Variants in SNCAIP observed in about 807,000 individuals in gnomAD.
SNCAIP encodes synuclein alpha interacting protein.
A neutral mutation model predicts 86.7 loss-of-function variants in SNCAIP; 43 were observed. The observed-to-expected ratio is 0.50, with a 90% CI of 0.39 to 0.64. The LOEUF is 0.64. Ranked by LOEUF, SNCAIP falls within the 30% of genes least tolerant of loss-of-function variation. The pLI, the probability that SNCAIP is intolerant of heterozygous loss-of-function variation, is 0.00. For synonymous variants in SNCAIP, 417 were observed against 427.2 expected (o/e 0.98, Z 0.29); for missense variants, 981 against 1,103.1 (o/e 0.89, Z 1.57).
chr5:122,433,268 A>C (rs953310810), intron 6 of SNCAIP, among the ~76,000 whole-genome samples: 1 of 152,042 alleles, frequency 6.6e-6, no homozygotes, highest in African/African-American at 2.4e-5. Flanking sequence ...TTATTCCTCA[A>C]AACAACCCTG....
intron 9 of SNCAIP, among the ~76,000 whole-genome samples, 164 bp from the exon 10 acceptor site, chr5:122,450,369 T>C (rs1180104379): frequency 6.6e-6 from 1 of 152,260 alleles, no homozygotes; most frequent in African/African-American, 2.4e-5. Context: ...TTATAGCTGA[T>C]ACTATGGAGT....
At position 122,425,340 on chromosome 5, in the gene SNCAIP, C is replaced by T. The variant is rs759864226; in HGVS notation, c.1003-12C>T. The T allele has an allele frequency of 5.0e-6, 8 of 1,608,418 alleles. No individual in the cohort carries two copies. The Admixed American group carries it at 6.7e-5, about 13-fold the overall frequency. On this transcript the variant is annotated splice_polypyrimidine_tract_variant and intron_variant, in intron 4 of 10. Coordinates refer to ENST00000261368, the MANE Select transcript of SNCAIP (RefSeq NM_005460.4). ...TATTGACTTGGGTTTTCTAATCTTA[C>T]TATTTATACAGCCACACCTAGCTGC...
intron 6 of SNCAIP, 195 bp from the exon 7 acceptor site, chr5:122,440,434 C>T (rs1780611711): frequency 1.7e-6 from 1 of 589,984 alleles, no homozygotes; most frequent in Non-Finnish European, 3.0e-6. Flanking sequence ...TTAAAATTCT[C>T]TATGCCGTCC....
intron 1 of SNCAIP, among the ~76,000 whole-genome samples, chr5:122,351,551 A>AAAAAAAAAAAAAAAAAAAAAG (rs1759824388): frequency 1.4e-5 from 2 of 143,546 alleles, no homozygotes; most frequent in Admixed American, 6.9e-5. Flanking sequence ...AAAAAAAAAA[A>AAAAAAAAAAAAAAAAAAAAAG]AAAAAAAAAA....
intron 1 of SNCAIP, among the ~76,000 whole-genome samples, chr5:122,354,525 A>C (rs1410909156): frequency 1.3e-5 from 2 of 152,318 alleles, no homozygotes; most frequent in Non-Finnish European, 2.9e-5. Flanking sequence ...CTTAGAGCCC[A>C]TGGAAAGAAT....
At chr5:122,407,192 C>T (rs73797303) in intron 3 of SNCAIP, among the ~76,000 whole-genome samples, 1,724 of 152,214 alleles carry the variant, frequency 0.011, 31 homozygotes, top group African/African-American at 0.037. Context: ...ACATGAGAGA[C>T]TGTGGTAATT....
In SNCAIP at chr5:122,449,879, C is replaced by T. The variant is rs1173096943; in HGVS notation, c.1627C>T (p.Leu543Phe). The change falls in exon 9 of 11, where the codon CTC (leucine) becomes TTC (phenylalanine). Residue 543 changes from leucine (L) to phenylalanine (F), a missense_variant. Leu to Phe is a conservative substitution (Grantham distance 22, BLOSUM62 0). Coordinates refer to ENST00000261368, the MANE Select transcript of SNCAIP (RefSeq NM_005460.4). Reference sequence around the variant, plus strand: ...AGAACGTGTCACGCTGCAGAACCAACTCCAACAATTTCTAGAAGCCCAGAA... The same window carrying T: ...AGAACGTGTCACGCTGCAGAACCAATTCCAACAATTTCTAGAAGCCCAGAA... ...TVERVTLQNQ[L>F]QQFLEAQKSE... is the part of the protein sequence containing the mutation. 4 of 1,614,076 alleles carry T rather than the reference C, an allele frequency of 2.5e-6. No homozygotes were observed. The highest frequency in any genetic ancestry group is 3.4e-6 in the Non-Finnish European group (4 of 1,179,930).
At chr5:122,375,027 G>A (rs536300678) in intron 1 of SNCAIP, among the ~76,000 whole-genome samples, 1 of 152,156 alleles carries the variant, frequency 6.6e-6, no homozygotes, top group Non-Finnish European at 1.5e-5. Context: ...GTAAATTAGG[G>A]CCAAATGAAA....
chr5:122,378,821 C>G (rs1322371220), intron 1 of SNCAIP, among the ~76,000 whole-genome samples: 1 of 145,342 alleles, frequency 6.9e-6, no homozygotes, highest in Non-Finnish European at 1.5e-5. Flanking sequence ...GCTTGTTTTT[C>G]TCAGGTTTGT....
chr5:122,408,033 G>A (rs1773366321), intron 3 of SNCAIP, among the ~76,000 whole-genome samples: 1 of 152,210 alleles, frequency 6.6e-6, no homozygotes, highest in African/African-American at 2.4e-5. Flanking sequence ...CACTAGGTGT[G>A]TGGAGACAGC....
chr5:122,411,783 T>C (rs974732204), intron 3 of SNCAIP, among the ~76,000 whole-genome samples: 1 of 152,092 alleles, frequency 6.6e-6, no homozygotes, highest in African/African-American at 2.4e-5. Context: ...AATCAAAATC[T>C]GCGTTTTAAC....
At chr5:122,317,584 G>T (rs1321279862) in intron 1 of SNCAIP, among the ~76,000 whole-genome samples, 3 of 152,158 alleles carry the variant, frequency 2.0e-5, no homozygotes, top group African/African-American at 7.2e-5. Flanking sequence ...GTGACGGCAG[G>T]TGGGAAGGAG....
chr5:122,387,741 A>G (rs1768484366), intron 1 of SNCAIP, among the ~76,000 whole-genome samples: 1 of 152,234 alleles, frequency 6.6e-6, no homozygotes, highest in Non-Finnish European at 1.5e-5. Flanking sequence ...TGAAGGAAAC[A>G]TAATCCCCAC....
intron 2 of SNCAIP, among the ~76,000 whole-genome samples, chr5:122,397,722 A>G (rs1205908326): frequency 2.0e-5 from 3 of 152,140 alleles, no homozygotes; most frequent in African/African-American, 7.2e-5. Context: ...AATTGGGGGT[A>G]TAGTTAAGGT....
intron 10 of SNCAIP, among the ~76,000 whole-genome samples, chr5:122,456,327 C>T (rs1784752775): frequency 6.6e-6 from 1 of 152,150 alleles, no homozygotes; most frequent in African/African-American, 2.4e-5. Context: ...GGTTGTTCAG[C>T]AGCCACTTCA....
At chr5:122,397,409 C>G (rs1021697415) in intron 2 of SNCAIP, among the ~76,000 whole-genome samples, 1 of 152,076 alleles carries the variant, frequency 6.6e-6, no homozygotes, top group Non-Finnish European at 1.5e-5. Flanking sequence ...ATTAAATTAA[C>G]ATTGCAATAG....
intron 1 of SNCAIP, among the ~76,000 whole-genome samples, chr5:122,340,590 G>A (rs771329588): frequency 6.6e-6 from 1 of 152,072 alleles, no homozygotes; most frequent in African/African-American, 2.4e-5. Flanking sequence ...TGAAGCAAAC[G>A]AATATTTTTC....
chr5:122,453,089 C>A, intron 10 of SNCAIP: 1 of 723,974 alleles, frequency 1.4e-6, no homozygotes, highest in Non-Finnish European at 2.4e-6. Flanking sequence ...CACCTTTCAT[C>A]AGGGGATAAC....
At chr5:122,426,302 T>C (rs1777358084) in intron 5 of SNCAIP, among the ~76,000 whole-genome samples, 1 of 152,210 alleles carries the variant, frequency 6.6e-6, no homozygotes, top group African/African-American at 2.4e-5. Flanking sequence ...GTGCTTTGCT[T>C]TACATAATAG....
Sources: allele counts gnomAD v4.1 joint callset (sites outside exome capture counted in the v4.1 genomes callset), GRCh38; gene constraint gnomAD v4.1.1; transcripts MANE v1.5; gene names NCBI Gene and HGNC (gene_info 2026-07-23, HGNC 2026-07-21).